The following POLR1C variants were observed in gnomAD, a reference collection of about 807,000 sequenced individuals.
POLR1C encodes RNA polymerase I and III subunit C.
A neutral mutation model predicts 38.3 loss-of-function variants in POLR1C; 42 were observed. That is an observed-to-expected ratio of 1.10 (90% CI 0.86 to 1.42). The LOEUF (loss-of-function observed/expected upper bound fraction) is 1.42, where lower values mean the gene tolerates loss of function less well. Among genes scored for constraint, POLR1C ranks in the 40% most tolerant of loss-of-function variants. The pLI is 0.00. For synonymous variants in POLR1C, 163 were observed against 163.9 expected (o/e 0.99, Z 0.04); for missense variants, 507 against 450.5 (o/e 1.13, Z -1.14).
At chr6:43,534,020 A>G (rs1381969487), downstream of POLR1C, 2 of 1,585,800 alleles carry the variant, frequency 1.3e-6, no homozygotes, top group African/African-American at 2.7e-5. Flanking sequence ...GAAAGAAACA[A>G]GAATGCTATT....
Position 43,549,406 on chromosome 6 carries a change from C to T in POLR1C, c.*5-1562C>T, listed in dbSNP as rs569193004. The T allele has an allele frequency of 4.7e-5, 65 of 1,368,818 alleles. No individual in the cohort carries two copies. The South Asian group carries it at 8.9e-4, about 19-fold the overall frequency. 84.8% of individuals were successfully genotyped at this position (1,368,818 alleles called of 1,614,324 possible). A position where few individuals can be genotyped will look rare whatever the true frequency, so the allele number is the denominator to read the frequency against. The stretch of plus-strand genomic sequence containing the variant: ...GCAAAGCTATAGTTTCTAGTTTTTT[C>T]TTTATGTGAGGTACACTGAAAGCTG... On this transcript the variant is annotated intron_variant, in intron 9 of 10. Transcript: ENST00000607635.
Position 43,520,273 on chromosome 6 carries a change from A to G in POLR1C, c.503-2A>G. 6.2e-7 allele frequency: 1 copy of G among 1,613,018 alleles called. No individual in the cohort carries two copies. The stretch of plus-strand genomic sequence containing the variant: ...AGATCTTCTGACATGTTTTTCCTCC[A>G]GTGTATACCAGGCATATGACATGGA... On this transcript the variant is annotated splice_acceptor_variant, in intron 5 of 8. Coordinates refer to ENST00000642195, the MANE Select transcript of POLR1C (RefSeq NM_203290.4). LOFTEE classifies it high-confidence loss of function.
chr6:43,540,396 G>A (rs1173418519), intron 9 of POLR1C, among the ~76,000 whole-genome samples: 1 of 152,102 alleles, frequency 6.6e-6, no homozygotes, highest in Non-Finnish European at 1.5e-5. Context: ...GGAGAATGCC[G>A]TGAACCTGGG....
chr6:43,558,387 G>T, intron 10 of POLR1C: 1 of 879,654 alleles, frequency 1.1e-6, no homozygotes, highest in Non-Finnish European at 1.7e-6. Context: ...TAAGTAGGCT[G>T]CTATCCAGAT....
At chr6:43,549,615 T>C (rs1242776741) in intron 9 of POLR1C, 2 of 1,601,046 alleles carry the variant, frequency 1.2e-6, no homozygotes, top group East Asian at 4.5e-5. Flanking sequence ...GAGCTGCTTT[T>C]AATATAATAT....
chr6:43,529,366 C>T (rs1188070465), exon 9 of POLR1C: 1 of 333,246 alleles, frequency 3.0e-6, no homozygotes, highest in Admixed American at 4.4e-5. Flanking sequence ...CATGGTGAAA[C>T]CCCGTCTCTA....
intron 10 of POLR1C, among the ~76,000 whole-genome samples, chr6:43,560,552 G>A (rs910529457): frequency 9.2e-5 from 14 of 152,156 alleles, no homozygotes; most frequent in African/African-American, 3.4e-4. Context: ...TGCAAAAAAG[G>A]ATACTGGAAT....
At chr6:43,549,447 G>A (rs754240964) in intron 9 of POLR1C, 2 of 1,553,896 alleles carry the variant, frequency 1.3e-6, no homozygotes, top group Admixed American at 2.0e-5. Flanking sequence ...ACACACAAAT[G>A]TAACCAAACT....
intron 2 of POLR1C, 148 bp from the exon 3 acceptor site, chr6:43,519,185 G>A (rs1793007454): frequency 2.2e-5 from 15 of 692,914 alleles, no homozygotes; most frequent in South Asian, 6.1e-5. Flanking sequence ...AACACTGGGC[G>A]AGATAGAATA....
At chr6:43,547,061 A>C (rs1476619542) in intron 9 of POLR1C, among the ~76,000 whole-genome samples, 5 of 152,128 alleles carry the variant, frequency 3.3e-5, no homozygotes, top group Non-Finnish European at 7.3e-5. Context: ...GATCCAAAAC[A>C]AAGTGTTTAA....
At chr6:43,524,634 C>T (rs1162448362), downstream of POLR1C, 4 of 1,613,486 alleles carry the variant, frequency 2.5e-6, no homozygotes, top group Non-Finnish European at 3.4e-6. Flanking sequence ...GTACCTGGGG[C>T]GCTGATATCA....
intron 9 of POLR1C, chr6:43,547,731 A>G: frequency 6.2e-7 from 1 of 1,601,254 alleles, no homozygotes; most frequent in South Asian, 1.1e-5. Context: ...GGGGAAAAAC[A>G]AGTTACATCA....
intron 9 of POLR1C, among the ~76,000 whole-genome samples, chr6:43,538,082 C>CAAAAA (rs1217531011): frequency 3.3e-4 from 12 of 36,130 alleles, no homozygotes; most frequent in African/African-American, 8.9e-4. Context: ...AAGATGGTCT[C>CAAAAA]AAAAAAAAAA....
chr6:43,555,615 T>C (rs1368304518), intron 10 of POLR1C: 15 of 377,846 alleles, frequency 4.0e-5, no homozygotes, highest in Non-Finnish European at 6.4e-5. Flanking sequence ...GCAAAACTGA[T>C]AAGGACATGG....
downstream of POLR1C, chr6:43,530,543 G>GTT: frequency 3.0e-6 from 3 of 987,972 alleles, no homozygotes; most frequent in Non-Finnish European, 4.2e-6. Context: ...ATCTGCCAGT[G>GTT]TTTTTAATGA....
intron 8 of POLR1C, chr6:43,529,201 G>C: frequency 7.0e-7 from 1 of 1,434,844 alleles, no homozygotes; most frequent in Non-Finnish European, 9.3e-7. Context: ...TAGGAAGGAG[G>C]ACATCCTTGT....
At chr6:43,546,210 T>C (rs1794957056) in intron 9 of POLR1C, among the ~76,000 whole-genome samples, 1 of 152,208 alleles carries the variant, frequency 6.6e-6, no homozygotes, top group Non-Finnish European at 1.5e-5. Flanking sequence ...AGCATCATTA[T>C]AGAAGGCAAC....
intron 9 of POLR1C, among the ~76,000 whole-genome samples, chr6:43,537,091 C>T (rs896894938): frequency 1.3e-5 from 2 of 151,784 alleles, no homozygotes; most frequent in Admixed American, 6.6e-5. Flanking sequence ...CTCAGGCTCC[C>T]GAGTAGCTGG....
At chr6:43,530,030 G>A (rs554936590), downstream of POLR1C, among the ~76,000 whole-genome samples, 7 of 152,250 alleles carry the variant, frequency 4.6e-5, no homozygotes, top group South Asian at 6.2e-4. Context: ...TGAGGCAGGC[G>A]GATTACTTGA....
Sources: gnomAD v4.1 joint callset for allele counts (sites outside exome capture counted in the v4.1 genomes callset) on GRCh38, gnomAD v4.1.1 for gene constraint, MANE v1.5 for transcripts, NCBI Gene and HGNC (gene_info 2026-07-23, HGNC 2026-07-21) for gene names.